SMYD3: variants seen among roughly 807,000 people sequenced by gnomAD.
SMYD3 encodes SET and MYND domain containing 3.
A neutral mutation model predicts 57.7 loss-of-function variants in SMYD3; 36 were observed. That is an observed-to-expected ratio of 0.62 (90% CI 0.48 to 0.82). The LOEUF (loss-of-function observed/expected upper bound fraction) is 0.82, where lower values mean the gene tolerates loss of function less well. SMYD3 is among the 40% of genes least tolerant of loss of function. SMYD3 has a pLI of 0.00. For synonymous variants in SMYD3, 211 were observed against 195.0 expected (o/e 1.08, Z -0.68); for missense variants, 515 against 538.8 (o/e 0.96, Z 0.44).
At chr1:245,801,682 G>A (rs919844405) in intron 10 of SMYD3, among the ~76,000 whole-genome samples, 1 of 149,788 alleles carries the variant, frequency 6.7e-6, no homozygotes, top group Non-Finnish European at 1.5e-5. Context: ...AGTAAAGTTA[G>A]TTATCTTCTT....
intron 1 of SMYD3, among the ~76,000 whole-genome samples, chr1:246,378,726 T>TATATATAACTATATATAATATA (rs58702520): frequency 1.1e-5 from 1 of 89,862 alleles, no homozygotes; most frequent in South Asian, 2.9e-4. Context: ...TATAATATAT[T>TATATATAACTATATATAATATA]ATATATTATA....
intron 10 of SMYD3, among the ~76,000 whole-genome samples, chr1:245,798,232 G>C (rs959476734): frequency 2.6e-5 from 4 of 151,942 alleles, no homozygotes; most frequent in African/African-American, 9.7e-5. Flanking sequence ...TCACCCAGTA[G>C]TGCCTGTGTC....
At chr1:246,446,075 T>A (rs2067547334) in intron 1 of SMYD3, among the ~76,000 whole-genome samples, 1 of 152,210 alleles carries the variant, frequency 6.6e-6, no homozygotes, top group African/African-American at 2.4e-5. Flanking sequence ...TACTTTCCCA[T>A]CTACTAAGGT....
At chr1:246,282,767 T>C (rs372563876) in intron 5 of SMYD3, among the ~76,000 whole-genome samples, 3 of 152,294 alleles carry the variant, frequency 2.0e-5, no homozygotes, top group Non-Finnish European at 1.5e-5. Flanking sequence ...ACATATGTTA[T>C]GGGGAAAAAT....
intron 1 of SMYD3, among the ~76,000 whole-genome samples, chr1:246,360,089 G>A (rs750652162): frequency 6.6e-5 from 10 of 152,070 alleles, no homozygotes; most frequent in African/African-American, 1.9e-4. Context: ...AAAGCTCCTC[G>A]AACTAGTACA....
intron 5 of SMYD3, among the ~76,000 whole-genome samples, chr1:246,030,551 G>T (rs1312052313): frequency 6.6e-6 from 1 of 151,750 alleles, no homozygotes; most frequent in Non-Finnish European, 1.5e-5. Context: ...AGTTAGAGGA[G>T]AGTATTTTTT....
At chr1:245,905,806 T>C (rs954005507) in intron 8 of SMYD3, among the ~76,000 whole-genome samples, 1 of 152,090 alleles carries the variant, frequency 6.6e-6, no homozygotes, top group African/African-American at 2.4e-5. Flanking sequence ...AGCAGAAACA[T>C]GGAACAATGG....
At chr1:246,246,944 A>G (rs932355546) in intron 5 of SMYD3, among the ~76,000 whole-genome samples, 3 of 151,696 alleles carry the variant, frequency 2.0e-5, no homozygotes, top group African/African-American at 4.9e-5. Flanking sequence ...GTTTTTTAAA[A>G]GAAAATAATA....
In SMYD3 at chr1:245,962,699, A is replaced by G. The variant is rs536259616; in HGVS notation, c.532-32762T>C. Among the ~76,000 whole-genome samples the G allele has an allele frequency of 8.8e-4, 110 of 125,664 alleles. 3 individuals carry two copies. Among genetic ancestry groups the G allele is most frequent in the African/African-American group, 2.7e-3 (107 of 39,788 alleles). The allele number at this position is 125,664 out of a possible 152,430, so 82.4% of individuals were successfully genotyped here. The stretch of plus-strand genomic sequence containing the variant: ...AAATCTTGTGCCAAGGTTTGACCTC[A>G]ACAACCGCAAAACCAATCATTGCTG... On this transcript the variant is annotated intron_variant, in intron 5 of 11. Coordinates refer to ENST00000490107, the MANE Select transcript of SMYD3 (RefSeq NM_001167740.2).
At chr1:246,166,311 G>A (rs769197447) in intron 5 of SMYD3, among the ~76,000 whole-genome samples, 2 of 152,172 alleles carry the variant, frequency 1.3e-5, no homozygotes, top group Non-Finnish European at 2.9e-5. Flanking sequence ...AAAGGTACAT[G>A]TTTGTATAGG....
intron 1 of SMYD3, among the ~76,000 whole-genome samples, chr1:246,467,270 AT>A (rs1341140558): frequency 1.3e-5 from 2 of 152,338 alleles, no homozygotes; most frequent in East Asian, 3.9e-4. Context: ...GAGACACATC[AT>A]TTGACAGAAT....
At position 245,765,728 on chromosome 1, in the gene SMYD3, G is replaced by C. The variant is rs915103328; in HGVS notation, c.1077-1579C>G. 5.9e-5 allele frequency among the ~76,000 whole-genome samples: 9 copies of C among 152,200 alleles called. No homozygotes were observed. The East Asian group carries it at 9.7e-4, about 16-fold the overall frequency. On this transcript the variant is annotated intron_variant, in intron 10 of 11. Coordinates refer to ENST00000490107, the MANE Select transcript of SMYD3 (RefSeq NM_001167740.2). ...CCCAACCGTCAGAGAGAACGAGCAA[G>C]GGCACACTCTAAATGCTGCTTCTCC...
chr1:245,810,356 C>T (rs1016602364), intron 10 of SMYD3, among the ~76,000 whole-genome samples: 2 of 152,228 alleles, frequency 1.3e-5, no homozygotes, highest in Non-Finnish European at 1.5e-5. Context: ...GGATGACCCC[C>T]ATGACTCTGG....
At chr1:246,292,282 G>A (rs75656144) in intron 5 of SMYD3, among the ~76,000 whole-genome samples, 20,253 of 149,130 alleles carry the variant, frequency 0.14, 1,846 homozygotes, top group East Asian at 0.41. Flanking sequence ...CAACACACCA[G>A]TACCTTAGAC....
chr1:245,824,958 G>A (rs916339833), intron 10 of SMYD3, among the ~76,000 whole-genome samples: 1 of 151,820 alleles, frequency 6.6e-6, no homozygotes, highest in African/African-American at 2.4e-5. Flanking sequence ...TTGAACCCGA[G>A]AGGCAGAGGT....
chr1:245,936,078 G>C (rs1471959863), intron 5 of SMYD3, among the ~76,000 whole-genome samples: 3 of 152,160 alleles, frequency 2.0e-5, no homozygotes. Context: ...TGCTAAATTA[G>C]CTTGATTTAA....
intron 1 of SMYD3, among the ~76,000 whole-genome samples, chr1:246,406,846 C>G (rs552800566): frequency 1.3e-5 from 2 of 152,310 alleles, no homozygotes; most frequent in East Asian, 1.9e-4. Flanking sequence ...CAGCAGTCCT[C>G]CCTTCAAAAC....
intron 1 of SMYD3, among the ~76,000 whole-genome samples, chr1:246,370,884 T>C (rs560485916): frequency 9.2e-5 from 14 of 152,320 alleles, no homozygotes; most frequent in Non-Finnish European, 1.6e-4. Context: ...TCCTAAGTAT[T>C]TGATACCTCA....
At chr1:245,997,986 G>C (rs2058966028) in intron 5 of SMYD3, among the ~76,000 whole-genome samples, 1 of 152,216 alleles carries the variant, frequency 6.6e-6, no homozygotes, top group African/African-American at 2.4e-5. Flanking sequence ...ATCCCACTGA[G>C]AGGCTGGACA....
Sources: gnomAD v4.1 joint callset for allele counts (sites outside exome capture counted in the v4.1 genomes callset) on GRCh38, gnomAD v4.1.1 for gene constraint, MANE v1.5 for transcripts, NCBI Gene and HGNC (gene_info 2026-07-23, HGNC 2026-07-21) for gene names.